Variants in PRKCE observed in about 807,000 individuals in gnomAD.
PRKCE encodes the protein protein kinase C epsilon type.
PRKCE carries 16 observed loss-of-function variants against 85.4 expected under a neutral mutation model. The observed-to-expected ratio is 0.19, with a 90% CI of 0.13 to 0.28. The LOEUF (loss-of-function observed/expected upper bound fraction) is 0.28, where lower values mean the gene tolerates loss of function less well. PRKCE is among the 10% of genes least tolerant of loss of function. The pLI is 1.00. For synonymous variants in PRKCE, 388 were observed against 371.5 expected, an observed-to-expected ratio of 1.04 and a Z score of -0.51; for missense variants, 573 against 975.2, an observed-to-expected ratio of 0.59 and a Z score of 5.49.
intron 1 of PRKCE, among the ~76,000 whole-genome samples, chr2:45,831,299 A>C (rs1690402783): frequency 6.6e-6 from 1 of 152,386 alleles, no homozygotes; most frequent in South Asian, 2.1e-4. Flanking sequence ...TTTTAGAACT[A>C]ATGTATACAC....
chr2:46,063,217 A>T (rs62129016), intron 10 of PRKCE, among the ~76,000 whole-genome samples: 4,231 of 152,266 alleles, frequency 0.028, 90 homozygotes, highest in Non-Finnish European at 0.043. Context: ...AGGGCCAGAA[A>T]GAGGAGACAA....
intron 1 of PRKCE, among the ~76,000 whole-genome samples, chr2:45,827,129 ACT>A (rs1558719375): frequency 6.6e-6 from 1 of 151,726 alleles, no homozygotes; most frequent in South Asian, 2.1e-4. Flanking sequence ...TGCCCTCCAC[ACT>A]CTGCTCCAGT....
At chr2:45,669,656 C>T (rs79732995) in intron 1 of PRKCE, among the ~76,000 whole-genome samples, 144 of 152,230 alleles carry the variant, frequency 9.5e-4, no homozygotes, top group African/African-American at 3.1e-3. Context: ...CTACTCTGTT[C>T]GTAGAAATAT....
intron 14 of PRKCE, among the ~76,000 whole-genome samples, chr2:46,177,927 A>G (rs1400075567): frequency 3.3e-5 from 5 of 152,198 alleles, no homozygotes; most frequent in African/African-American, 9.6e-5. Context: ...AGAGGCAGGA[A>G]CTGAGCAGTC....
intron 2 of PRKCE, among the ~76,000 whole-genome samples, chr2:45,856,852 G>C (rs1692721208): frequency 6.6e-6 from 1 of 152,138 alleles, no homozygotes; most frequent in African/African-American, 2.4e-5. Flanking sequence ...ATGTGCTCCA[G>C]GTTCATCATG....
chr2:45,920,023 T>G (rs981513197), intron 2 of PRKCE, among the ~76,000 whole-genome samples: 1 of 152,196 alleles, frequency 6.6e-6, no homozygotes, highest in Non-Finnish European at 1.5e-5. Flanking sequence ...ACTGAGTAAC[T>G]GCTACTCAGG....
At chr2:46,066,478 C>T (rs754686029) in intron 10 of PRKCE, among the ~76,000 whole-genome samples, 5 of 152,188 alleles carry the variant, frequency 3.3e-5, no homozygotes, top group African/African-American at 9.7e-5. Flanking sequence ...GGGCAGGGAA[C>T]GATCCACTCC....
chr2:45,969,337 C>A (rs1250823145), intron 2 of PRKCE, among the ~76,000 whole-genome samples: 3 of 152,124 alleles, frequency 2.0e-5, no homozygotes, highest in African/African-American at 7.2e-5. Context: ...AGGCATAAAA[C>A]AACGGACCTC....
At chr2:46,059,041 G>A (rs1212900490) in intron 10 of PRKCE, among the ~76,000 whole-genome samples, 1 of 152,204 alleles carries the variant, frequency 6.6e-6, no homozygotes, top group African/African-American at 2.4e-5. Flanking sequence ...CATTCAGGCT[G>A]GTTGCAGTGG....
intron 1 of PRKCE, among the ~76,000 whole-genome samples, chr2:45,671,797 G>T (rs1676175076): frequency 6.6e-6 from 1 of 152,170 alleles, no homozygotes. Flanking sequence ...GGACAGGTAT[G>T]GTGGTTCACA....
chr2:45,976,339 C>A (rs772769124), intron 2 of PRKCE, 90 bp from the exon 3 acceptor site: 44 of 1,452,828 alleles, frequency 3.0e-5, no homozygotes, highest in Non-Finnish European at 3.5e-5. Flanking sequence ...CTCCACTCCC[C>A]CAGGGATGGA....
chr2:45,788,418 C>G (rs1414051177), intron 1 of PRKCE, among the ~76,000 whole-genome samples: 1 of 152,142 alleles, frequency 6.6e-6, no homozygotes, highest in Non-Finnish European at 1.5e-5. Context: ...AGGTGTTTGT[C>G]CCTTCATTAG....
intron 2 of PRKCE, among the ~76,000 whole-genome samples, chr2:45,925,575 C>T (rs1015246331): frequency 6.6e-6 from 1 of 152,290 alleles, no homozygotes; most frequent in African/African-American, 2.4e-5. Context: ...GGATTACAGG[C>T]GTGAACCACC....
intron 1 of PRKCE, among the ~76,000 whole-genome samples, chr2:45,819,524 A>T (rs1247930071): frequency 6.6e-6 from 1 of 152,158 alleles, no homozygotes. Flanking sequence ...GGTTTCAGGG[A>T]TGATTCTCTT....
chr2:45,664,580 TATATTCC>T, intron 1 of PRKCE, among the ~76,000 whole-genome samples: 1 of 152,322 alleles, frequency 6.6e-6, no homozygotes, highest in Admixed American at 6.5e-5. Context: ...TTGGGTTTGC[TATATTCC>T]AAGTGTACAG....
intron 1 of PRKCE, among the ~76,000 whole-genome samples, chr2:45,811,876 C>G (rs1688675400): frequency 6.6e-6 from 1 of 152,098 alleles, no homozygotes. Flanking sequence ...TAAAATTATG[C>G]TAGCTGTTAT....
chr2:45,949,419 G>GTTTTTTTTTTTTTTTT (rs1700466742), intron 2 of PRKCE, among the ~76,000 whole-genome samples: 1 of 61,730 alleles, frequency 1.6e-5, no homozygotes, highest in Non-Finnish European at 3.5e-5. Context: ...TTTTTTTTTT[G>GTTTTTTTTTTTTTTTT]ATTGTTGTTT....
intron 1 of PRKCE, among the ~76,000 whole-genome samples, chr2:45,801,568 A>G (rs1205617247): frequency 6.6e-6 from 1 of 152,074 alleles, no homozygotes; most frequent in Non-Finnish European, 1.5e-5. Flanking sequence ...CTCAGGTGAT[A>G]TGTCCTAAAC....
At chr2:45,653,894 G>T (rs1005429413) in intron 1 of PRKCE, among the ~76,000 whole-genome samples, 23 of 152,312 alleles carry the variant, frequency 1.5e-4, no homozygotes, top group African/African-American at 5.5e-4. Flanking sequence ...CCTCATCTCT[G>T]CTTCCTTCAG....
Sources: gnomAD v4.1 joint callset for allele counts (sites outside exome capture counted in the v4.1 genomes callset) on GRCh38, gnomAD v4.1.1 for gene constraint, MANE v1.5 for transcripts, NCBI Gene and HGNC (gene_info 2026-07-23, HGNC 2026-07-21) for gene names.